The following SND1 variants were observed in gnomAD, a reference collection of about 807,000 sequenced individuals.
SND1 encodes the protein staphylococcal nuclease and tudor domain containing 1.
A neutral mutation model predicts 121.7 loss-of-function variants in SND1; 38 were observed. The ratio of observed to expected loss-of-function variants is 0.31; its 90% CI spans 0.24 to 0.41. The LOEUF (loss-of-function observed/expected upper bound fraction) is 0.41. Among genes scored for constraint, SND1 ranks in the 10% least tolerant of loss-of-function variants. SND1 has a pLI of 1.00. For synonymous variants in SND1, 401 were observed against 447.4 expected, an observed-to-expected ratio of 0.90 and a Z score of 1.31; for missense variants, 868 against 1,184.6, an observed-to-expected ratio of 0.73 and a Z score of 3.92.
At chr7:127,883,433 T>TAAA in intron 12 of SND1, among the ~76,000 whole-genome samples, 1 of 152,320 alleles carries the variant, frequency 6.6e-6, no homozygotes, top group Non-Finnish European at 1.5e-5. Flanking sequence ...CTGTCCAGTT[T>TAAA]ACTTCACAAT....
chr7:127,888,263 G>A (rs1048459142), intron 13 of SND1, among the ~76,000 whole-genome samples: 8 of 151,966 alleles, frequency 5.3e-5, no homozygotes, highest in African/African-American at 1.9e-4. Flanking sequence ...ATCTCCCTTT[G>A]TAGCTGTATA....
chr7:127,945,400 A>C (rs1487914784), intron 15 of SND1, among the ~76,000 whole-genome samples: 1 of 152,098 alleles, frequency 6.6e-6, no homozygotes, highest in Non-Finnish European at 1.5e-5. Flanking sequence ...CTGAGGCAGG[A>C]GAATGGCGTG....
chr7:127,692,743 G>A (rs542984823), intron 2 of SND1: 72 of 152,282 alleles, frequency 4.7e-4, no homozygotes, highest in African/African-American at 1.6e-3. Flanking sequence ...AAGGAAGATT[G>A]CAGAAACTAG....
chr7:127,997,925 G>C (rs972686574), intron 16 of SND1: 2 of 534,658 alleles, frequency 3.7e-6, no homozygotes, highest in African/African-American at 3.8e-5. Context: ...CAGGCTAGAT[G>C]AGATGTCCTT....
chr7:128,046,363 GTGT>G (rs1792947319), intron 16 of SND1, among the ~76,000 whole-genome samples: 1 of 134,464 alleles, frequency 7.4e-6, no homozygotes, highest in Non-Finnish European at 1.6e-5. Context: ...GGTTGTTGTT[GTGT>G]TTTTTTTTTT....
At chr7:128,014,021 T>G (rs572307613) in intron 16 of SND1, among the ~76,000 whole-genome samples, 1 of 152,354 alleles carries the variant, frequency 6.6e-6, no homozygotes, top group East Asian at 1.9e-4. Context: ...TCCTCTCTCC[T>G]TCCTTGCCTG....
intron 16 of SND1, among the ~76,000 whole-genome samples, chr7:128,032,569 C>T (rs573384943): frequency 5.9e-5 from 9 of 151,958 alleles, no homozygotes; most frequent in Non-Finnish European, 8.8e-5. Flanking sequence ...CCCCCTGGCT[C>T]TGAAGAGCGG....
At chr7:127,715,170 T>G (rs1011975818) in intron 9 of SND1, among the ~76,000 whole-genome samples, 3 of 152,048 alleles carry the variant, frequency 2.0e-5, no homozygotes, top group South Asian at 2.1e-4. Flanking sequence ...TTTTGTTTTT[T>G]TTTTTTATAG....
chr7:127,701,416 T>C (rs930665552), intron 5 of SND1, 93 bp downstream of exon 5: 3 of 1,275,738 alleles, frequency 2.4e-6, no homozygotes, highest in Non-Finnish European at 3.3e-6. Context: ...CTAGTAAGCC[T>C]TTCTTATACT....
intron 1 of SND1, among the ~76,000 whole-genome samples, chr7:127,659,565 T>C (rs953027233): frequency 6.6e-6 from 1 of 152,190 alleles, no homozygotes; most frequent in Non-Finnish European, 1.5e-5. Flanking sequence ...TTTGGGTTCT[T>C]AGTTCTGTTT....
intron 1 of SND1, among the ~76,000 whole-genome samples, chr7:127,673,867 C>T (rs566483810): frequency 3.9e-5 from 6 of 152,258 alleles, no homozygotes; most frequent in African/African-American, 1.4e-4. Flanking sequence ...TGAGTACTTT[C>T]TTCTGACACA....
chr7:127,886,792 C>G (rs374590082), intron 12 of SND1, among the ~76,000 whole-genome samples: 1 of 145,132 alleles, frequency 6.9e-6, no homozygotes, highest in South Asian at 2.1e-4. Flanking sequence ...CTAGTAGATG[C>G]AGGCCACATA....
At chr7:127,715,354 C>T (rs985474833) in intron 9 of SND1, among the ~76,000 whole-genome samples, 3 of 152,004 alleles carry the variant, frequency 2.0e-5, no homozygotes, top group South Asian at 2.1e-4. Flanking sequence ...CTTTTAGATT[C>T]GGGGATACAT....
intron 12 of SND1, chr7:127,858,143 G>C (rs557946157): frequency 2.4e-6 from 2 of 839,648 alleles, no homozygotes; most frequent in East Asian, 2.4e-5. Context: ...GAGTGTGGGG[G>C]TGTGGGATTG....
intron 10 of SND1, among the ~76,000 whole-genome samples, chr7:127,725,880 G>T (rs971136999): frequency 6.6e-6 from 1 of 152,158 alleles, no homozygotes; most frequent in Non-Finnish European, 1.5e-5. Context: ...GGCCTCCACT[G>T]CTAGCTCCCA....
At chr7:128,056,658 CTCA>C (rs1354662205) in intron 16 of SND1, among the ~76,000 whole-genome samples, 2 of 152,184 alleles carry the variant, frequency 1.3e-5, no homozygotes, top group African/African-American at 4.8e-5. Flanking sequence ...GACTCATGAG[CTCA>C]TCAACAATGA....
intron 16 of SND1, among the ~76,000 whole-genome samples, chr7:128,026,390 T>G (rs1219214745): frequency 6.6e-6 from 1 of 152,196 alleles, no homozygotes; most frequent in Non-Finnish European, 1.5e-5. Flanking sequence ...AATTGGCCCT[T>G]TCTTAGCCAA....
At chr7:127,673,236 ATATAAC>A (rs1355664551) in intron 1 of SND1, among the ~76,000 whole-genome samples, 1 of 147,578 alleles carries the variant, frequency 6.8e-6, no homozygotes, top group Non-Finnish European at 1.5e-5. Context: ...TATATATGAT[ATATAAC>A]TATATTATAT....
intron 13 of SND1, among the ~76,000 whole-genome samples, chr7:127,898,906 G>A (rs1430334955): frequency 1.3e-5 from 2 of 152,098 alleles, no homozygotes; most frequent in Non-Finnish European, 2.9e-5. Flanking sequence ...AGCTGCTTCT[G>A]CCCTGGAGCA....
Sources: allele counts gnomAD v4.1 joint callset (sites outside exome capture counted in the v4.1 genomes callset), GRCh38; gene constraint gnomAD v4.1.1; transcripts MANE v1.5; gene names NCBI Gene and HGNC (gene_info 2026-07-23, HGNC 2026-07-21).